Variants in SHF observed in about 807,000 individuals in gnomAD.
The protein encoded by SHF is Src homology 2 domain containing F.
SHF carries 30 observed loss-of-function variants against 42.4 expected under a neutral mutation model. The ratio of observed to expected loss-of-function variants is 0.71; its 90% CI spans 0.53 to 0.96. The LOEUF is 0.96. SHF is among the 40% of genes least tolerant of loss of function. The probability of loss-of-function intolerance (pLI) is 0.00; values close to 1 mark genes in which losing one functional copy is unlikely to be tolerated. For synonymous variants in SHF, 264 were observed against 269.9 expected, an observed-to-expected ratio of 0.98 and a Z score of 0.21; for missense variants, 598 against 634.0, an observed-to-expected ratio of 0.94 and a Z score of 0.61.
chr15:45,185,192 C>G (rs895362487), intron 1 of SHF, among the ~76,000 whole-genome samples: 2 of 152,242 alleles, frequency 1.3e-5, no homozygotes. Flanking sequence ...AAAGCACATC[C>G]CTGTTCCCAG....
Position 45,167,987 on chromosome 15 carries a change from T to G in SHF, c.1427A>C (p.His476Pro). 6.2e-7 allele frequency: 1 copy of G among 1,612,948 alleles called. No homozygotes were observed. Among genetic ancestry groups the G allele is most frequent in the Non-Finnish European group, 8.5e-7 (1 of 1,179,384 alleles). ...SRKLPIKGAE[H>P]MSLLYPVAIR... is the part of the protein sequence containing the mutation. ...GGCCACAGGGTAGAGCAGGGACATG[T>G]GTTCGGCTCCCTTAATGGGTAGCTT... is the stretch of plus-strand genomic sequence containing the variant. The change falls in exon 7 of 7, where the codon CAC (histidine) becomes CCC (proline). Residue 476 changes from histidine (H) to proline (P), a missense_variant. Around this residue, in one of 2 missense-constraint regions of SHF, gnomAD observed 439 missense variants for 524.6 expected, o/e 0.84. Transcript: ENST00000690270.
intron 1 of SHF, 131 bp downstream of exon 1, chr15:45,187,323 G>A: frequency 1.1e-6 from 1 of 887,848 alleles, no homozygotes; most frequent in Non-Finnish European, 1.5e-6. Context: ...GGAACCCCGG[G>A]GTCAGGGGCT....
intron 6 of SHF, among the ~76,000 whole-genome samples, chr15:45,169,180 C>T (rs546709647): frequency 6.6e-6 from 1 of 152,274 alleles, no homozygotes; most frequent in East Asian, 1.9e-4. Context: ...TGAGGTCCAC[C>T]CCCCGGAGAA....
chr15:45,186,231 T>C (rs1256758749), intron 1 of SHF, among the ~76,000 whole-genome samples: 5 of 152,242 alleles, frequency 3.3e-5, no homozygotes, highest in African/African-American at 1.2e-4. Flanking sequence ...TGGGCAGCCA[T>C]GCCCCATGGC....
At chr15:45,196,097 G>GTTTT (rs58593409) in intron 2 of SHF, among the ~76,000 whole-genome samples, 8 of 129,296 alleles carry the variant, frequency 6.2e-5, no homozygotes, top group South Asian at 2.4e-4. Flanking sequence ...CTGACTTCCT[G>GTTTT]TTTTTTTTTT....
chr15:45,197,639 A>G lies in SHF; in HGVS notation c.303+1133T>C, dbSNP rs555401466. Among the ~76,000 whole-genome samples, 14 of 152,242 alleles carry G rather than the reference A, an allele frequency of 9.2e-5. No individual in the cohort carries two copies. The South Asian group carries it at 2.3e-3, about 25-fold the overall frequency. ...GTATAGTAAACAGTCCCTTTCCCCT[A>G]TCTTACCAACACAAACTGTTTCCCC... is the stretch of plus-strand genomic sequence containing the variant. On this transcript the variant is annotated intron_variant, in intron 2 of 7. Coordinates refer to the SHF transcript ENST00000290894.
chr15:45,183,565 A>G lies in SHF; in HGVS notation c.498+3889T>C, dbSNP rs115706803. Among the ~76,000 whole-genome samples the G allele has an allele frequency of 3.1e-3, 465 of 152,292 alleles. 5 individuals carry two copies. Among genetic ancestry groups the G allele is most frequent in the African/African-American group, 0.011 (448 of 41,564 alleles). On this transcript the variant is annotated intron_variant, in intron 1 of 6. Transcript: ENST00000690270. ...TGGGCCCCACTTTTGCTCTCACATAATATGTTGACTCTGTGGTGAGGGCTA... is the reference window on the plus strand; with the variant it reads ...TGGGCCCCACTTTTGCTCTCACATAGTATGTTGACTCTGTGGTGAGGGCTA...
At chr15:45,194,279 T>G (rs1161961699) in intron 2 of SHF, among the ~76,000 whole-genome samples, 1 of 152,064 alleles carries the variant, frequency 6.6e-6, no homozygotes, top group Non-Finnish European at 1.5e-5. Flanking sequence ...ATATTATTAT[T>G]CTTTTTGATG....
In SHF at chr15:45,172,008, G is replaced by A. The variant is rs1397195903; in HGVS notation, c.1161-6C>T. 1.2e-6 allele frequency: 2 copies of A among 1,613,812 alleles called. No individual in the cohort carries two copies. Among genetic ancestry groups the A allele is most frequent in the Non-Finnish European group, 1.7e-6 (2 of 1,179,870 alleles). On this transcript the variant is annotated splice_region_variant and splice_polypyrimidine_tract_variant and intron_variant, in intron 5 of 6. Transcript: ENST00000690270. ...TGATGGCCCCGTGATACCAGCTAAG[G>A]ATGAGAGAGAGGAAGGGGGGCATCT...
intron 3 of SHF, among the ~76,000 whole-genome samples, chr15:45,174,850 G>GT (rs1265800034): frequency 6.6e-6 from 1 of 152,206 alleles, no homozygotes; most frequent in African/African-American, 2.4e-5. Context: ...ATTGTTTGAA[G>GT]TAAGTGCCTT....
At chr15:45,186,888 C>G (rs1157134593) in intron 1 of SHF, among the ~76,000 whole-genome samples, 3 of 152,258 alleles carry the variant, frequency 2.0e-5, no homozygotes, top group Non-Finnish European at 4.4e-5. Flanking sequence ...AAGGCCAGCT[C>G]GTGCTGTGTC....
At chr15:45,192,335 G>GT (rs765992039), upstream of SHF, among the ~76,000 whole-genome samples, 531 of 85,298 alleles carry the variant, frequency 6.2e-3, 1 homozygote, top group Middle Eastern at 8.9e-3. Flanking sequence ...ACTCCCTACA[G>GT]TTTTTTTTTT....
At position 45,198,572 on chromosome 15, in the gene SHF, T is replaced by C. The variant is rs769198782; in HGVS notation, c.303+200A>G. On this transcript the variant is annotated intron_variant, in intron 2 of 7. Coordinates refer to the SHF transcript ENST00000290894. ...AATGTTACAAAAAAGGGGAAAAAAA[T>C]ACCGAGCCCCTTGCCGTGCCATTGT... 1.9e-4 allele frequency: 105 copies of C among 558,266 alleles called. No individual in the cohort carries two copies. In the East Asian group the frequency reaches 2.6e-3, roughly 14 times the overall value. 34.6% of individuals were successfully genotyped at this position (558,266 alleles called of 1,614,324 possible).
At chr15:45,175,980 G>A (rs1433867364) in intron 2 of SHF, among the ~76,000 whole-genome samples, 1 of 151,810 alleles carries the variant, frequency 6.6e-6, no homozygotes, top group Non-Finnish European at 1.5e-5. Context: ...CATCATGCCC[G>A]GCTAATTTTT....
chr15:45,192,879 C>T (rs1434530739), upstream of SHF, among the ~76,000 whole-genome samples: 1 of 152,160 alleles, frequency 6.6e-6, no homozygotes, highest in Admixed American at 6.5e-5. Context: ...TCAGGTTACA[C>T]ATTTCTGAAA....
chr15:45,175,018 C>T (rs924039324), intron 3 of SHF, among the ~76,000 whole-genome samples: 3 of 152,134 alleles, frequency 2.0e-5, no homozygotes, highest in Admixed American at 2.0e-4. Flanking sequence ...CATCCTTCTC[C>T]TGTACCCATT....
intron 1 of SHF, among the ~76,000 whole-genome samples, chr15:45,179,959 C>A (rs2141381740): frequency 6.6e-6 from 1 of 152,222 alleles, no homozygotes; most frequent in African/African-American, 2.4e-5. Flanking sequence ...TCTGCATGTT[C>A]CTTCCACCTT....
intron 4 of SHF, 36 bp from the exon 5 acceptor site, chr15:45,172,354 C>G (rs961973922): frequency 1.3e-6 from 2 of 1,534,944 alleles, no homozygotes; most frequent in African/African-American, 2.8e-5. Context: ...CTCTAAGGAC[C>G]CTAGAGGTCC....
chr15:45,188,983 G>A (rs555189443), upstream of SHF, among the ~76,000 whole-genome samples: 11 of 152,158 alleles, frequency 7.2e-5, no homozygotes, highest in African/African-American at 2.4e-4. Context: ...ACGAGGTCAG[G>A]AGATCGAGAC....
Sources: allele counts gnomAD v4.1 joint callset (sites outside exome capture counted in the v4.1 genomes callset), GRCh38; gene constraint gnomAD v4.1.1; regional missense constraint gnomAD v4.1.1; transcripts MANE v1.5; gene names NCBI Gene and HGNC (gene_info 2026-07-23, HGNC 2026-07-21).